PPA2: variants seen among roughly 807,000 people sequenced by gnomAD.
The protein encoded by PPA2 is inorganic pyrophosphatase 2, also known as inorganic pyrophosphatase 2, mitochondrial.
A neutral mutation model predicts 49.5 loss-of-function variants in PPA2; 48 were observed. The ratio of observed to expected loss-of-function variants is 0.97; its 90% confidence interval spans 0.77 to 1.23. The LOEUF (loss-of-function observed/expected upper bound fraction) is 1.23. PPA2 is among the 50% of genes most tolerant of loss of function. PPA2 has a pLI of 0.00. For synonymous variants in PPA2, 131 were observed against 139.9 expected (o/e 0.94, Z 0.45); for missense variants, 429 against 410.1 (o/e 1.05, Z -0.40).
At chr4:105,457,938 G>A (rs541968233) in intron 1 of PPA2, among the ~76,000 whole-genome samples, 50 of 152,126 alleles carry the variant, frequency 3.3e-4, no homozygotes, top group Non-Finnish European at 6.5e-4. Flanking sequence ...TGATTCTAAT[G>A]CTGGAGCAAA....
rs768018278 is a variant in PPA2 at position 105,446,430 on chromosome 4, T to C, written c.394A>G (p.Ile132Val). The change falls in exon 5 of 12, where the codon ATC becomes GTC. Residue 132 changes from isoleucine (I) to valine (V), a missense_variant. By Grantham distance (29) the Ile-to-Val change is conservative. Transcript: ENST00000341695. ...KDGKLRYVAN[I>V]FPYKGYIWNY... ...CATATATAACCCTTGTAAGGGAAGA[T>C]ATTCGCCACATAGCGTAGCTTTCCA... 3.7e-6 allele frequency: 6 copies of C among 1,606,674 alleles called. No individual in the cohort carries two copies.
intron 6 of PPA2, among the ~76,000 whole-genome samples, chr4:105,431,495 C>T (rs766542647): frequency 1.3e-5 from 2 of 152,030 alleles, no homozygotes; most frequent in Non-Finnish European, 1.5e-5. Flanking sequence ...GAATATTGTT[C>T]GTTGGAGTTA....
chr4:105,414,542 A>G (rs549858156), intron 7 of PPA2, among the ~76,000 whole-genome samples: 29 of 152,358 alleles, frequency 1.9e-4, no homozygotes, highest in African/African-American at 7.0e-4. Context: ...CAGCTGGACC[A>G]GGCAAACCCC....
At chr4:105,451,629 G>A (rs1172066777) in intron 3 of PPA2, among the ~76,000 whole-genome samples, 1 of 152,176 alleles carries the variant, frequency 6.6e-6, no homozygotes, top group Non-Finnish European at 1.5e-5. Context: ...CTGGCTATAC[G>A]GGAACAAATG....
At chr4:105,398,835 T>C (rs1178472214) in intron 8 of PPA2, 1 of 446,814 alleles carries the variant, frequency 2.2e-6, no homozygotes, top group Non-Finnish European at 3.8e-6. Flanking sequence ...TGGAAATATA[T>C]ATTTTTCAGC....
chr4:105,374,513 G>C (rs1733158559), intron 10 of PPA2, among the ~76,000 whole-genome samples: 1 of 152,132 alleles, frequency 6.6e-6, no homozygotes, highest in Admixed American at 6.6e-5. Context: ...CATTGCCAAA[G>C]TATTCCTTTC....
Position 105,386,634 on chromosome 4 carries a change from G to A in PPA2, c.872C>T (p.Thr291Ile), listed in dbSNP as rs141321054. Residue 291 changes from threonine to isoleucine, a missense_variant and splice_region_variant, in exon 10 of 12, where the codon ACA becomes ATA. Coordinates refer to ENST00000341695, the MANE Select transcript of PPA2 (RefSeq NM_176869.3). ...AGGGCTATCAGATATCTGCACGTTT[G>A]TGCTGGAGAGGAAAAGAGAATGTTA... ...KKCNGGAINC[T>I]NVQISDSPFR... The A allele has an allele frequency of 1.9e-6, 3 of 1,611,366 alleles. No individual in the cohort carries two copies. The highest frequency in any genetic ancestry group is 2.5e-6 in the Non-Finnish European group (3 of 1,178,114).
At chr4:105,412,652 C>T (rs1010853509) in intron 7 of PPA2, among the ~76,000 whole-genome samples, 7 of 151,942 alleles carry the variant, frequency 4.6e-5, no homozygotes, top group Non-Finnish European at 1.0e-4. Flanking sequence ...AAAAAACAAC[C>T]CCATCAAAAA....
chr4:105,451,621 G>A (rs1722682012), intron 3 of PPA2, among the ~76,000 whole-genome samples: 1 of 152,182 alleles, frequency 6.6e-6, no homozygotes, highest in Non-Finnish European at 1.5e-5. Flanking sequence ...CTGAAAGCCT[G>A]GCTATACGGG....
intron 6 of PPA2, among the ~76,000 whole-genome samples, chr4:105,424,982 G>T (rs2713840): frequency 9.9e-5 from 15 of 151,930 alleles, no homozygotes; most frequent in Non-Finnish European, 2.2e-4. Flanking sequence ...TTTACCACAA[G>T]GGGCATTCAT....
At chr4:105,402,155 C>T (rs1398664704) in intron 7 of PPA2, among the ~76,000 whole-genome samples, 1 of 151,850 alleles carries the variant, frequency 6.6e-6, no homozygotes, top group African/African-American at 2.4e-5. Flanking sequence ...GCCCCTAATC[C>T]CAGCTACTTG....
At chr4:105,399,749 C>T in intron 7 of PPA2, 1 of 152,384 alleles carries the variant, frequency 6.6e-6, no homozygotes, top group Non-Finnish European at 1.5e-5. Flanking sequence ...CTAGGAAAAG[C>T]CAGTCACTGA....
intron 10 of PPA2, among the ~76,000 whole-genome samples, chr4:105,379,466 T>TA (rs70964651): frequency 0.29 from 28,462 of 97,724 alleles, 2,943 homozygotes; most frequent in East Asian, 0.5. Context: ...GATAGATAGA[T>TA]ATCTCAAGCA....
intron 9 of PPA2, among the ~76,000 whole-genome samples, chr4:105,387,046 T>C (rs1299185514): frequency 6.6e-6 from 1 of 152,184 alleles, no homozygotes; most frequent in African/African-American, 2.4e-5. Context: ...CTGAAAGTTT[T>C]TGCGGAATCT....
At chr4:105,473,004 T>C (rs1232354716) in intron 1 of PPA2, among the ~76,000 whole-genome samples, 3 of 152,280 alleles carry the variant, frequency 2.0e-5, no homozygotes, top group East Asian at 3.9e-4. Context: ...TGCTTAGAAC[T>C]GAAAGCCTCC....
In PPA2 at chr4:105,431,286, T is replaced by C. The variant is rs146172305; in HGVS notation, c.528+6664A>G. Among the ~76,000 whole-genome samples the C allele has an allele frequency of 1.4e-3, 206 of 152,322 alleles. 1 individual carries two copies. The Middle Eastern group carries it at 0.014, about 10-fold the overall frequency. The stretch of plus-strand genomic sequence containing the variant: ...GCTAGAAAAAAATCTACTTCACATT[T>C]ATGGCTAAAACTATTTTTTTAAATG... On this transcript the variant is annotated intron_variant, in intron 6 of 11. Transcript: ENST00000341695.
chr4:105,473,504 T>C (rs778630512), intron 1 of PPA2: 2 of 447,914 alleles, frequency 4.5e-6, no homozygotes, highest in South Asian at 1.7e-5. Flanking sequence ...GGGCGGGCTC[T>C]GCCTTCCCTT....
intron 6 of PPA2, among the ~76,000 whole-genome samples, chr4:105,424,955 C>T (rs145930420): frequency 6.6e-6 from 1 of 152,244 alleles, no homozygotes; most frequent in East Asian, 1.9e-4. Flanking sequence ...GAGTTCCAAC[C>T]ACCCAGGAAA....
chr4:105,449,463 T>A, intron 3 of PPA2, 60 bp from the exon 4 acceptor site: 1 of 1,057,508 alleles, frequency 9.5e-7, no homozygotes, highest in Non-Finnish European at 1.4e-6. Flanking sequence ...ATTTTTTCCG[T>A]TACCTCCCTT....
Sources: allele counts gnomAD v4.1 joint callset (sites outside exome capture counted in the v4.1 genomes callset), GRCh38; gene constraint gnomAD v4.1.1; transcripts MANE v1.5; gene names NCBI Gene and HGNC (gene_info 2026-07-23, HGNC 2026-07-21).